Variants in ESR1 observed in about 807,000 individuals in gnomAD.
ESR1 encodes the protein estrogen receptor.
Under a neutral mutation model 52.7 loss-of-function variants are expected in ESR1, and 12 were observed. That is an observed-to-expected ratio of 0.23 (90% confidence interval 0.15 to 0.37). The LOEUF (loss-of-function observed/expected upper bound fraction) is 0.37, where lower values mean the gene tolerates loss of function less well. Among genes scored for constraint, ESR1 ranks in the 10% least tolerant of loss-of-function variants. ESR1 has a pLI of 1.00. For missense variants in ESR1, 584 were observed against 779.7 expected (o/e 0.75, Z 2.99); for synonymous variants, 305 against 316.8 (o/e 0.96, Z 0.39).
rs143406486 is a variant in ESR1 at position 152,053,124 on chromosome 6, G to A, written c.1236-7867G>A. Among the ~76,000 whole-genome samples the A allele has an allele frequency of 4.2e-3, 634 of 152,014 alleles. 8 individuals are homozygous for A. The highest frequency in any genetic ancestry group is 0.014 in the African/African-American group (598 of 41,456). On this transcript the variant is annotated intron_variant, in intron 5 of 7. Coordinates refer to ENST00000206249, the MANE Select transcript of ESR1 (RefSeq NM_000125.4). This position sits in a 1 kb window ranked among gnomAD's most constrained non-coding sequence, Gnocchi z 4.1. ...CACATTTATTTCTTCTCATATCCTC[G>A]AGTTAGAAAAAGGTATTTCTCTCCT...
At chr6:152,057,189 A>T (rs1316495167) in intron 5 of ESR1, among the ~76,000 whole-genome samples, 1 of 152,154 alleles carries the variant, frequency 6.6e-6, no homozygotes, top group Non-Finnish European at 1.5e-5. Context: ...GTCCACATAG[A>T]TATGTGCCAG....
At chr6:151,884,336 C>T (rs769462273) in intron 3 of ESR1, among the ~76,000 whole-genome samples, 1 of 152,142 alleles carries the variant, frequency 6.6e-6, no homozygotes, top group Non-Finnish European at 1.5e-5. Flanking sequence ...ACTGGAAGTA[C>T]AATGATAACT....
At chr6:152,076,952 T>G (rs1295742124) in intron 6 of ESR1, among the ~76,000 whole-genome samples, 2 of 152,144 alleles carry the variant, frequency 1.3e-5, no homozygotes, top group East Asian at 3.9e-4. Context: ...ACCCATTTTT[T>G]TGAGGAGAAA....
At chr6:151,779,922 G>T (rs1476809789) in intron 2 of ESR1, among the ~76,000 whole-genome samples, 2 of 124,268 alleles carry the variant, frequency 1.6e-5, no homozygotes, top group African/African-American at 6.1e-5. Context: ...AAAAAAAAAG[G>T]AAATGTGGCA....
intron 1 of ESR1, among the ~76,000 whole-genome samples, chr6:151,697,326 G>A (rs1171323504): frequency 4.6e-5 from 7 of 152,220 alleles, no homozygotes; most frequent in Admixed American, 3.9e-4. Flanking sequence ...GGAGAAAGAA[G>A]TGTATTGAGA....
chr6:151,985,431 C>G (rs1038447482), intron 4 of ESR1, among the ~76,000 whole-genome samples: 41 of 139,712 alleles, frequency 2.9e-4, no homozygotes, highest in African/African-American at 1.0e-3. Flanking sequence ...TCACTTGAAC[C>G]CAGGAGATGA....
chr6:151,736,901 A>C (rs1253298244), intron 2 of ESR1, among the ~76,000 whole-genome samples: 3 of 152,324 alleles, frequency 2.0e-5, no homozygotes, highest in African/African-American at 7.2e-5. Context: ...TATTTAATGC[A>C]GAGAATTTCA....
chr6:151,980,852 T>C (rs2039926556), intron 4 of ESR1, among the ~76,000 whole-genome samples: 1 of 152,198 alleles, frequency 6.6e-6, no homozygotes, highest in South Asian at 2.1e-4. Flanking sequence ...TACAGGCACG[T>C]GCCACCACGT....
At chr6:151,960,985 G>A (rs1360532502) in intron 4 of ESR1, among the ~76,000 whole-genome samples, 1 of 152,188 alleles carries the variant, frequency 6.6e-6, no homozygotes, top group Non-Finnish European at 1.5e-5. Flanking sequence ...AATGATAAAA[G>A]TTGAGTCAAC....
chr6:151,865,618 A>G (rs1054516474), intron 2 of ESR1, among the ~76,000 whole-genome samples: 1 of 152,234 alleles, frequency 6.6e-6, no homozygotes, highest in African/African-American at 2.4e-5. Flanking sequence ...TCAAGAAGCC[A>G]GACGACAAGG....
intron 3 of ESR1, among the ~76,000 whole-genome samples, chr6:151,943,593 C>A (rs1039382457): frequency 6.6e-6 from 1 of 152,070 alleles, no homozygotes; most frequent in Non-Finnish European, 1.5e-5. Flanking sequence ...GGACTTAGCA[C>A]CCCAGGGGGC....
chr6:151,708,940 T>G (rs1582965760), intron 2 of ESR1, among the ~76,000 whole-genome samples: 1 of 152,342 alleles, frequency 6.6e-6, no homozygotes, highest in South Asian at 2.1e-4. Flanking sequence ...AATTAACATG[T>G]GCGTTACCTC....
chr6:152,054,861 T>C (rs2046974681), intron 5 of ESR1, among the ~76,000 whole-genome samples: 1 of 152,220 alleles, frequency 6.6e-6, no homozygotes, highest in Non-Finnish European at 1.5e-5. Context: ...ACATACTATT[T>C]GTTCCTTTAC....
At chr6:151,876,217 T>A (rs1446830471) in intron 2 of ESR1, among the ~76,000 whole-genome samples, 2 of 152,216 alleles carry the variant, frequency 1.3e-5, no homozygotes, top group African/African-American at 4.8e-5. Flanking sequence ...CAGACATTTC[T>A]TGGTTCAGCT....
intron 2 of ESR1, among the ~76,000 whole-genome samples, chr6:151,725,073 A>G (rs1184563913): frequency 1.3e-5 from 2 of 152,218 alleles, no homozygotes; most frequent in Admixed American, 6.5e-5. Context: ...ATTTAAAAAG[A>G]TAAGATCTTT....
intron 1 of ESR1, among the ~76,000 whole-genome samples, chr6:151,825,215 G>T (rs1209860190): frequency 2.6e-5 from 4 of 152,130 alleles, no homozygotes; most frequent in African/African-American, 9.7e-5. Context: ...CTTTGGGGGT[G>T]GCTGCCTTGG....
chr6:151,713,385 A>G (rs1458424103), intron 2 of ESR1, among the ~76,000 whole-genome samples: 2 of 151,984 alleles, frequency 1.3e-5, no homozygotes, highest in Admixed American at 6.5e-5. Context: ...CTCTTTTTCT[A>G]TTGTTTGGAA....
At chr6:152,107,973 GTCC>G (rs1397300007), downstream of ESR1, among the ~76,000 whole-genome samples, 1 of 152,116 alleles carries the variant, frequency 6.6e-6, no homozygotes, top group African/African-American at 2.4e-5. Context: ...CAAGGCTTCT[GTCC>G]TCCACCGATG....
chr6:152,063,931 G>A (rs1385671029), intron 6 of ESR1, among the ~76,000 whole-genome samples: 1 of 152,234 alleles, frequency 6.6e-6, no homozygotes, highest in African/African-American at 2.4e-5. Flanking sequence ...GAATTGAAAG[G>A]TTGTTGTGAG....
Sources: allele counts gnomAD v4.1 joint callset (sites outside exome capture counted in the v4.1 genomes callset), GRCh38; gene constraint gnomAD v4.1.1; non-coding constraint Gnocchi (gnomAD v3.1); transcripts MANE v1.5; gene names NCBI Gene and HGNC (gene_info 2026-07-23, HGNC 2026-07-21).